PCDHGA6: variants seen among roughly 807,000 people sequenced by gnomAD.
PCDHGA6 encodes protocadherin gamma subfamily A, 6.
Under a neutral mutation model 60.6 loss-of-function variants are expected in PCDHGA6, and 41 were observed. That is an observed-to-expected ratio of 0.68 (90% CI 0.53 to 0.88). The LOEUF (loss-of-function observed/expected upper bound fraction) is 0.88. PCDHGA6 is among the 40% of genes least tolerant of loss of function. The pLI, the probability that PCDHGA6 is intolerant of heterozygous loss-of-function variation, is 0.00. For missense variants in PCDHGA6, 1,312 were observed against 1,203.0 expected, an observed-to-expected ratio of 1.09 and a Z score of -1.34; for synonymous variants, 594 against 524.4, an observed-to-expected ratio of 1.13 and a Z score of -1.81.
intron 1 of PCDHGA6, chr5:141,394,466 C>T (rs765078363): frequency 1.2e-6 from 2 of 1,614,222 alleles, no homozygotes; most frequent in Non-Finnish European, 8.5e-7. Flanking sequence ...TGAGCCTGTT[C>T]GTGCTGGACC....
At chr5:141,422,464 A>G (rs1303001624) in intron 1 of PCDHGA6, 1 of 1,613,502 alleles carries the variant, frequency 6.2e-7, no homozygotes, top group Admixed American at 1.7e-5. Context: ...AGTGCTGGAC[A>G]GGGAGTTGGT....
intron 1 of PCDHGA6, among the ~76,000 whole-genome samples, chr5:141,448,214 G>A (rs2098576063): frequency 6.6e-6 from 1 of 152,092 alleles, no homozygotes; most frequent in Non-Finnish European, 1.5e-5. Context: ...CTGTGTGTAT[G>A]CGAATGTATG....
intron 1 of PCDHGA6, among the ~76,000 whole-genome samples, chr5:141,382,340 T>G (rs535677710): frequency 3.4e-4 from 52 of 152,358 alleles, no homozygotes; most frequent in Middle Eastern, 3.4e-3. Context: ...AAGTAAAATC[T>G]TTCATATGTA....
intron 1 of PCDHGA6, chr5:141,389,310 G>A: frequency 6.2e-7 from 1 of 1,614,018 alleles, no homozygotes; most frequent in Non-Finnish European, 8.5e-7. Context: ...CAGGGCTTCT[G>A]ATCCGGACTT....
chr5:141,414,849 C>G (rs10038103), intron 1 of PCDHGA6: 1 of 1,614,134 alleles, frequency 6.2e-7, no homozygotes, highest in African/African-American at 1.3e-5. Flanking sequence ...TTGTGCTGGA[C>G]CAGAACGACA....
chr5:141,395,542 T>TTGTTTGTGTGTGTG (rs1267535064), intron 1 of PCDHGA6: 1 of 168,708 alleles, frequency 5.9e-6, no homozygotes, highest in African/African-American at 5.7e-5. Flanking sequence ...TTGCTATTGT[T>TTGTTTGTGTGTGTG]TGTGTGTGTG....
rs1228676619 is a variant in PCDHGA6, at chr5:141,388,743, A to T, written c.2424+12236A>T. 3 of 1,614,034 alleles carry T rather than the reference A, an allele frequency of 1.9e-6. No homozygotes were observed. The Admixed American group carries it at 5.0e-5, about 27-fold the overall frequency. On this transcript the variant is annotated intron_variant, in intron 1 of 3. Coordinates refer to ENST00000517434, the MANE Select transcript of PCDHGA6 (RefSeq NM_018919.3). ...TTTCTCTTTCAGTGAAGCTAGCCAG[A>T]TCACCCAATTTGACCTGAACTCTAA...
At chr5:141,435,376 A>G (rs1358757887) in intron 1 of PCDHGA6, among the ~76,000 whole-genome samples, 1 of 152,200 alleles carries the variant, frequency 6.6e-6, no homozygotes, top group Non-Finnish European at 1.5e-5. Flanking sequence ...TAAATATACA[A>G]TATACCGTAT....
Position 141,433,012 on chromosome 5 carries a change from G to C in PCDHGA6, c.2424+56505G>C. 1 of 1,614,172 alleles carries C rather than the reference G, an allele frequency of 6.2e-7. No homozygotes were observed. Among genetic ancestry groups the C allele is most frequent in the South Asian group, 1.1e-5 (1 of 91,080 alleles). The stretch of plus-strand genomic sequence containing the variant: ...TGGACGGGGTGCAGGCTTTCCTGCA[G>C]ACCTATTCCCACGAGGTTTCCCTCA... On this transcript the variant is annotated intron_variant, in intron 1 of 3. Coordinates refer to ENST00000517434, the MANE Select transcript of PCDHGA6 (RefSeq NM_018919.3).
chr5:141,376,730 A>T (rs1773298181), intron 1 of PCDHGA6: 1 of 526,912 alleles, frequency 1.9e-6, no homozygotes, highest in Admixed American at 4.2e-5. Flanking sequence ...CCCAGGCCGG[A>T]CTGCGGACTG....
intron 1 of PCDHGA6, chr5:141,426,860 A>T (rs771106873): frequency 2.6e-5 from 12 of 456,702 alleles, no homozygotes; most frequent in Admixed American, 2.3e-4. Flanking sequence ...CTCCAGAATT[A>T]GTGCTGGAGA....
intron 1 of PCDHGA6, chr5:141,396,140 G>A (rs1199993001): frequency 2.0e-5 from 3 of 152,178 alleles, no homozygotes; most frequent in Non-Finnish European, 4.4e-5. Flanking sequence ...TTCTAAATAA[G>A]CTGATCAATT....
Position 141,486,812 on chromosome 5 carries a change from A to G in PCDHGA6, c.2425-7995A>G, listed in dbSNP as rs781747283. 6.2e-7 allele frequency: 1 copy of G among 1,614,226 alleles called. No individual in the cohort carries two copies. The highest frequency in any genetic ancestry group is 8.5e-7 in the Non-Finnish European group (1 of 1,180,046). ...GGATCGGGGCAACCCACCCCTTAGC[A>G]GCACTGTAACAGTTCGTCTATTTGT... On this transcript the variant is annotated intron_variant, in intron 1 of 3. Transcript: ENST00000517434. This position sits in a 1 kb window ranked among gnomAD's most constrained non-coding sequence, Gnocchi z 5.0.
chr5:141,399,287 C>G (rs1393904771), intron 1 of PCDHGA6: 1 of 1,613,912 alleles, frequency 6.2e-7, no homozygotes, highest in Non-Finnish European at 8.5e-7. Context: ...GGCGAAGTCC[C>G]TTTTAAGATT....
chr5:141,403,788 A>G, intron 1 of PCDHGA6: 3 of 1,613,956 alleles, frequency 1.9e-6, no homozygotes, highest in South Asian at 1.1e-5. Context: ...AAAGTGGCAT[A>G]CAAATTCTGG....
intron 1 of PCDHGA6, chr5:141,478,910 A>C (rs568573298): frequency 1.1e-6 from 1 of 893,688 alleles, no homozygotes; most frequent in Non-Finnish European, 1.6e-6. Context: ...AAGCTGCTGG[A>C]TACCTCTAAC....
Position 141,374,459 on chromosome 5 carries a change from A to C in PCDHGA6, c.376A>C (p.Ile126Leu). 1.9e-6 allele frequency: 3 copies of C among 1,613,448 alleles called. No homozygotes were observed. Among genetic ancestry groups the C allele is most frequent in the Non-Finnish European group, 1.7e-6 (2 of 1,179,406 alleles). Residue 126 changes from isoleucine to leucine, a missense_variant, in exon 1 of 4, where the codon ATT becomes CTT. Transcript: ENST00000517434. ...TCCCGTGGAAGTGGAAATAGTGGAC[A>C]TTAATGACAATACACCCCGATTCTT... ...LYPVEVEIVD[I>L]NDNTPRFLKE...
rs955993144 is a variant in PCDHGA6 at position 141,374,627 on chromosome 5, G to T, written c.544G>T (p.Val182Leu). The change falls in exon 1 of 4, where the codon GTG (valine) becomes TTG (leucine). Residue 182 changes from valine to leucine, a missense_variant. Transcript: ENST00000517434. ...LSGNSHFSVD[V>L]QSEAHGPKYP... is the part of the protein sequence containing the mutation. ...TGGTAATAGTCACTTCTCAGTGGACGTGCAAAGCGAAGCCCATGGGCCCAA... is the reference window on the plus strand; with the variant it reads ...TGGTAATAGTCACTTCTCAGTGGACTTGCAAAGCGAAGCCCATGGGCCCAA... The T allele has an allele frequency of 3.1e-6, 5 of 1,613,182 alleles. No homozygotes were observed. The highest frequency in any genetic ancestry group is 1.7e-5 in the Admixed American group (1 of 59,938).
rs765690531 is a variant in PCDHGA6, at chr5:141,404,329, C to T, written c.2424+27822C>T. 6.8e-5 allele frequency: 110 copies of T among 1,613,772 alleles called. No homozygotes were observed. The East Asian group carries it at 2.4e-3, about 36-fold the overall frequency. On this transcript the variant is annotated intron_variant, in intron 1 of 3. Coordinates refer to ENST00000517434, the MANE Select transcript of PCDHGA6 (RefSeq NM_018919.3). ...CTTTCTCTCAAGCCTCCTACTCAGTCTACCTCCCGGAAAACAACGCCAGAG... is the reference window on the plus strand; with the variant it reads ...CTTTCTCTCAAGCCTCCTACTCAGTTTACCTCCCGGAAAACAACGCCAGAG...
Sources: gnomAD v4.1 joint callset for allele counts (sites outside exome capture counted in the v4.1 genomes callset) on GRCh38, gnomAD v4.1.1 for gene constraint, Gnocchi (gnomAD v3.1) non-coding constraint, MANE v1.5 for transcripts, NCBI Gene and HGNC (gene_info 2026-07-23, HGNC 2026-07-21) for gene names.